The following NDUFA10 variants were observed in gnomAD, a reference collection of about 807,000 sequenced individuals.
The protein encoded by NDUFA10 is NADH dehydrogenase [ubiquinone] 1 alpha subcomplex subunit 10, mitochondrial.
In NDUFA10, 40 loss-of-function variants were observed where a neutral mutation model predicts 47.8. That is an observed-to-expected ratio of 0.84 (90% CI 0.65 to 1.09). The LOEUF (loss-of-function observed/expected upper bound fraction) is 1.09. NDUFA10 is among the 50% of genes least tolerant of loss of function. NDUFA10 has a pLI of 0.00. For synonymous variants in NDUFA10, 183 were observed against 172.2 expected (o/e 1.06, Z -0.49); for missense variants, 413 against 451.1 (o/e 0.92, Z 0.76).
intron 4 of NDUFA10, among the ~76,000 whole-genome samples, chr2:239,913,439 A>T (rs1486990466): frequency 6.6e-6 from 1 of 152,224 alleles, no homozygotes; most frequent in African/African-American, 2.4e-5. Context: ...TCACGTGGTG[A>T]ACCTTGGCCA....
chr2:239,931,632 G>T (rs1217932584), intron 4 of NDUFA10, among the ~76,000 whole-genome samples: 2 of 152,200 alleles, frequency 1.3e-5, no homozygotes, highest in Admixed American at 6.5e-5. Context: ...CACAGCAGGT[G>T]CCCAGTCAGT....
At chr2:239,940,932 G>C (rs1007755333) in intron 4 of NDUFA10, among the ~76,000 whole-genome samples, 1 of 152,174 alleles carries the variant, frequency 6.6e-6, no homozygotes, top group Non-Finnish European at 1.5e-5. Flanking sequence ...ATAACCTTGA[G>C]GAGTGTCCTC....
At chr2:239,915,415 T>TAC (rs1386609440) in intron 4 of NDUFA10, among the ~76,000 whole-genome samples, 1 of 31,076 alleles carries the variant, frequency 3.2e-5, no homozygotes, top group Non-Finnish European at 5.6e-5. Context: ...AACACACACA[T>TAC]ACACAGACAC....
chr2:239,983,955 G>A (rs1315814918), intron 9 of NDUFA10, among the ~76,000 whole-genome samples: 4 of 152,138 alleles, frequency 2.6e-5, no homozygotes, highest in East Asian at 1.9e-4. Flanking sequence ...AATAAGGGCC[G>A]AATTTGGTGG....
rs1487904007 is a variant in NDUFA10 at position 239,960,459 on chromosome 2, G to T, written c.*659C>A. ...TCCCTTCAAAGGAGTTTGAGACGCT[G>T]AGGACGGCCACGTGAATCTTTCTCA... On this transcript the variant is annotated 3_prime_UTR_variant, in exon 10 of 10. Transcript: ENST00000252711. The T allele has an allele frequency of 2.0e-6, 2 of 989,224 alleles. No individual in the cohort carries two copies. Among genetic ancestry groups the T allele is most frequent in the Admixed American group, 5.8e-5 (1 of 17,318 alleles). 61.3% of individuals were successfully genotyped at this position (989,224 alleles called of 1,614,324 possible).
Position 239,906,650 on chromosome 2 carries a change from C to T in NDUFA10, c.295-11336G>A, listed in dbSNP as rs986211453. On this transcript the variant is annotated intron_variant, in intron 4 of 5. Coordinates refer to the NDUFA10 transcript ENST00000419408. This position sits in a 1 kb window ranked among gnomAD's most constrained non-coding sequence, Gnocchi z 4.3. ...GTGCCCCCGGGAATGCTGGTCCAGA[C>T]GCTTTGCCCTGCACCCAACCCTAAA... 6.6e-6 allele frequency among the ~76,000 whole-genome samples: 1 copy of T among 152,194 alleles called. No individual in the cohort carries two copies.
At position 239,906,780 on chromosome 2, in the gene NDUFA10, T is replaced by C. The variant is rs1693662774; in HGVS notation, c.295-11466A>G. Reference sequence around the variant, plus strand: ...AAGAGGACACAAACAAATGGAAGAATATTCCATGCTCATGGACAGGAAGAA... The same window carrying C: ...AAGAGGACACAAACAAATGGAAGAACATTCCATGCTCATGGACAGGAAGAA... On this transcript the variant is annotated intron_variant, in intron 4 of 5. Transcript: ENST00000419408. This position sits in a 1 kb window ranked among gnomAD's most constrained non-coding sequence, Gnocchi z 4.3. 6.6e-6 allele frequency among the ~76,000 whole-genome samples: 1 copy of C among 152,162 alleles called. No individual in the cohort carries two copies. Among genetic ancestry groups the C allele is most frequent in the South Asian group, 2.1e-4 (1 of 4,828 alleles).
At chr2:239,895,276 G>A in exon 5 of NDUFA10, 1 of 469,840 alleles carries the variant, frequency 2.1e-6, no homozygotes, top group Non-Finnish European at 4.4e-6. Flanking sequence ...GTGGAGAACT[G>A]AGTAGGCTGA....
rs1174485446 is a variant in NDUFA10 at position 239,959,523 on chromosome 2, G to C, written c.*1595C>G. The C allele has an allele frequency of 1.6e-5, 16 of 985,344 alleles. No individual in the cohort carries two copies. Among genetic ancestry groups the C allele is most frequent in the Non-Finnish European group, 1.9e-5 (16 of 829,954 alleles). The allele number at this position is 985,344 out of a possible 1,614,324, so 61.0% of individuals were successfully genotyped here. A position where few individuals can be genotyped will look rare whatever the true frequency, so the allele number is the denominator to read the frequency against. On this transcript the variant is annotated 3_prime_UTR_variant, in exon 10 of 10. Coordinates refer to ENST00000252711, the MANE Select transcript of NDUFA10 (RefSeq NM_004544.4). ...GCTGTGCTTTCATTTCATGATTAAA[G>C]CTGTTGGTTTCCTAGTGAAATGCAA...
At chr2:240,025,166 C>T (rs1697808178) in intron 1 of NDUFA10, 61 bp downstream of exon 1, 3 of 540,080 alleles carry the variant, frequency 5.6e-6, no homozygotes, top group Non-Finnish European at 9.6e-6. Context: ...GGAACTGCTC[C>T]CCACCCCGCC....
chr2:239,949,369 G>T (rs546268696), intron 4 of NDUFA10, among the ~76,000 whole-genome samples: 1 of 152,164 alleles, frequency 6.6e-6, no homozygotes, highest in Non-Finnish European at 1.5e-5. Flanking sequence ...TGTATCTGTG[G>T]GGGATGAGAT....
chr2:239,960,725 G>A lies in NDUFA10; in HGVS notation c.*393C>T, dbSNP rs562540452. The A allele has an allele frequency of 1.9e-5, 22 of 1,184,488 alleles. No homozygotes were observed. The highest frequency in any genetic ancestry group is 7.3e-5 in the Admixed American group (2 of 27,274). 73.4% of individuals were successfully genotyped at this position (1,184,488 alleles called of 1,614,324 possible). A position where few individuals can be genotyped will look rare whatever the true frequency, so the allele number is the denominator to read the frequency against. ...TCGACGTGCCCGCACGCACATAGAC[G>A]TACGATGGGGAAATTCCCATGGAAA... On this transcript the variant is annotated 3_prime_UTR_variant, in exon 10 of 10. Transcript: ENST00000252711.
intron 5 of NDUFA10, chr2:240,012,217 A>G (rs1453654091): frequency 5.9e-6 from 1 of 168,462 alleles, no homozygotes. Context: ...GAAATGCACT[A>G]TGCGAATTTC....
intron 9 of NDUFA10, among the ~76,000 whole-genome samples, chr2:239,988,512 C>A (rs779832146): frequency 6.6e-6 from 1 of 152,150 alleles, no homozygotes; most frequent in African/African-American, 2.4e-5. Context: ...ATTGAGATCA[C>A]GGCTGCTTCT....
chr2:239,908,217 G>A (rs1020578858), intron 4 of NDUFA10, among the ~76,000 whole-genome samples: 3 of 151,868 alleles, frequency 2.0e-5, no homozygotes, highest in African/African-American at 7.3e-5. Flanking sequence ...TGGACACAGG[G>A]TGGGGAACAT....
intron 9 of NDUFA10, among the ~76,000 whole-genome samples, chr2:239,964,273 GAGA>G (rs946175262): frequency 2.6e-4 from 39 of 152,268 alleles, no homozygotes; most frequent in African/African-American, 7.2e-5. Flanking sequence ...TCAGAAATCA[GAGA>G]AGGAGATGTG....
intron 8 of NDUFA10, among the ~76,000 whole-genome samples, chr2:239,998,350 A>C (rs1696563536): frequency 6.6e-6 from 1 of 152,168 alleles, no homozygotes; most frequent in South Asian, 2.1e-4. Flanking sequence ...TCCTGTTAAA[A>C]TCCCAGGCTC....
chr2:240,021,545 T>A, intron 2 of NDUFA10, 133 bp from the exon 3 acceptor site: 1 of 772,368 alleles, frequency 1.3e-6, no homozygotes. Flanking sequence ...CTAGAGAAAG[T>A]CACCTACATG....
intron 4 of NDUFA10, among the ~76,000 whole-genome samples, chr2:239,910,029 C>G (rs1693721988): frequency 6.6e-6 from 1 of 151,208 alleles, no homozygotes; most frequent in Non-Finnish European, 1.5e-5. Context: ...TCATCTCATG[C>G]CAGTCAGAAT....
Sources: gnomAD v4.1 joint callset for allele counts (sites outside exome capture counted in the v4.1 genomes callset) on GRCh38, gnomAD v4.1.1 for gene constraint, Gnocchi (gnomAD v3.1) non-coding constraint, MANE v1.5 for transcripts, NCBI Gene and HGNC (gene_info 2026-07-23, HGNC 2026-07-21) for gene names.